The following DOCK1 variants were observed in gnomAD, a reference collection of about 807,000 sequenced individuals.
The protein encoded by DOCK1 is dedicator of cytokinesis protein 1.
Under a neutral mutation model 262.7 loss-of-function variants are expected in DOCK1, and 138 were observed. The ratio of observed to expected loss-of-function variants is 0.53; its 90% CI spans 0.46 to 0.61. The LOEUF (loss-of-function observed/expected upper bound fraction) is 0.61, where lower values mean the gene tolerates loss of function less well. Among genes scored for constraint, DOCK1 ranks in the 20% least tolerant of loss-of-function variants. The pLI, the probability that DOCK1 is intolerant of heterozygous loss-of-function variation, is 0.00. For synonymous variants in DOCK1, 866 were observed against 867.4 expected, an observed-to-expected ratio of 1.00 and a Z score of 0.03; for missense variants, 1,908 against 2,370.7, an observed-to-expected ratio of 0.80 and a Z score of 4.05.
At chr10:127,372,288 C>T (rs2065249705) in intron 33 of DOCK1, among the ~76,000 whole-genome samples, 1 of 152,116 alleles carries the variant, frequency 6.6e-6, no homozygotes, top group East Asian at 1.9e-4. Flanking sequence ...CCGTTCCTTG[C>T]TAATTGCTTC....
At chr10:127,253,630 T>A (rs2059728748) in intron 28 of DOCK1, among the ~76,000 whole-genome samples, 2 of 151,960 alleles carry the variant, frequency 1.3e-5, no homozygotes, top group Non-Finnish European at 2.9e-5. Context: ...TCCCAGCACT[T>A]TGGGAGGTCG....
chr10:126,961,714 T>A (rs932416222), intron 1 of DOCK1, among the ~76,000 whole-genome samples: 14 of 152,236 alleles, frequency 9.2e-5, no homozygotes, highest in African/African-American at 3.4e-4. Context: ...CCACTGTATG[T>A]ATGTGTAACA....
chr10:127,124,601 G>C (rs2133066231), intron 25 of DOCK1, among the ~76,000 whole-genome samples: 1 of 152,312 alleles, frequency 6.6e-6, no homozygotes, highest in South Asian at 2.1e-4. Context: ...AACCTGCTTT[G>C]CCTCTGATCC....
intron 27 of DOCK1, among the ~76,000 whole-genome samples, chr10:127,161,190 A>G (rs2053563229): frequency 6.6e-6 from 1 of 152,154 alleles, no homozygotes; most frequent in South Asian, 2.1e-4. Context: ...GTGGATTTAG[A>G]CTTCACCATA....
chr10:127,079,278 C>T (rs6482639), intron 23 of DOCK1, among the ~76,000 whole-genome samples: 12,525 of 152,216 alleles, frequency 0.082, 1,445 homozygotes, highest in African/African-American at 0.26. Flanking sequence ...ACTCTGACTC[C>T]TTCAGACTGA....
intron 29 of DOCK1, among the ~76,000 whole-genome samples, chr10:127,321,910 CTGGTCAACA>C (rs1293669750): frequency 6.6e-6 from 1 of 152,024 alleles, no homozygotes; most frequent in African/African-American, 2.4e-5. Context: ...CAAGACCATC[CTGGTCAACA>C]TGGTGAAACC....
chr10:126,981,913 C>G lies in DOCK1; in HGVS notation c.172-5C>G. ...AAAGCTACTGTTTTTTTTTTCCTCCCAAAGGGTATATTTCCTGCTTCATAT... is the reference window on the plus strand; with the variant it reads ...AAAGCTACTGTTTTTTTTTTCCTCCGAAAGGGTATATTTCCTGCTTCATAT... On this transcript the variant is annotated splice_polypyrimidine_tract_variant and splice_region_variant and intron_variant, in intron 3 of 51. Coordinates refer to ENST00000623213, the MANE Select transcript of DOCK1 (RefSeq NM_001290223.2). 6.2e-7 allele frequency: 1 copy of G among 1,608,440 alleles called. No individual in the cohort carries two copies.
Position 127,308,278 on chromosome 10 carries a change from C to T in DOCK1, c.3045-30728C>T, listed in dbSNP as rs549488920. 3.3e-5 allele frequency among the ~76,000 whole-genome samples: 5 copies of T among 152,318 alleles called. No homozygotes were observed. The East Asian group carries it at 5.8e-4, about 18-fold the overall frequency. On this transcript the variant is annotated intron_variant, in intron 29 of 51. Coordinates refer to ENST00000623213, the MANE Select transcript of DOCK1 (RefSeq NM_001290223.2). ...GCTAACCAGTCCCTTCAGTGTGGGG[C>T]CTGGCCTCCTCCTTGCCACCTCGTT... is the stretch of plus-strand genomic sequence containing the variant.
At chr10:127,381,614 C>A (rs1180240529) in intron 37 of DOCK1, among the ~76,000 whole-genome samples, 1 of 152,202 alleles carries the variant, frequency 6.6e-6, no homozygotes, top group Non-Finnish European at 1.5e-5. Context: ...AAACTCCCAT[C>A]ACTTGGCTGT....
At chr10:127,093,277 G>A (rs1465859898) in intron 23 of DOCK1, among the ~76,000 whole-genome samples, 6 of 71,408 alleles carry the variant, frequency 8.4e-5, no homozygotes, top group Admixed American at 5.9e-4. Context: ...ACAGGGTCTC[G>A]CTCTGTCATC....
intron 10 of DOCK1, among the ~76,000 whole-genome samples, chr10:127,004,734 G>A (rs2040862625): frequency 6.9e-6 from 1 of 144,112 alleles, no homozygotes. Flanking sequence ...CTGGGCTACA[G>A]AGTCATCCTG....
intron 25 of DOCK1, among the ~76,000 whole-genome samples, chr10:127,114,763 T>G (rs865961569): frequency 6.7e-6 from 1 of 149,380 alleles, no homozygotes; most frequent in East Asian, 2.0e-4. Flanking sequence ...TTCTTTCTTT[T>G]TTTTTTTTTT....
At chr10:127,106,390 G>GC in intron 24 of DOCK1, 89 bp downstream of exon 24, 1 of 1,399,008 alleles carries the variant, frequency 7.1e-7, no homozygotes, top group Non-Finnish European at 9.8e-7. Context: ...TCAGGGTTCT[G>GC]CCTCATGTCT....
chr10:127,119,188 C>T (rs1330011654), intron 25 of DOCK1, among the ~76,000 whole-genome samples: 4 of 152,084 alleles, frequency 2.6e-5, no homozygotes, highest in South Asian at 2.1e-4. Context: ...GGACTACAGG[C>T]GCCTGCCACC....
At chr10:127,048,242 A>G (rs2044474510) in intron 21 of DOCK1, among the ~76,000 whole-genome samples, 1 of 152,186 alleles carries the variant, frequency 6.6e-6, no homozygotes, top group South Asian at 2.1e-4. Context: ...TTTAATTTGC[A>G]GTTACTGGAT....
In DOCK1 at chr10:127,176,510, T is replaced by C; in HGVS notation, c.2847+48746T>C. ...ACGACTGCCTGTTTCCTAATTATAT[T>C]TAAGCAGGTGAGGTCGGCCTTTATG... On this transcript the variant is annotated intron_variant, in intron 27 of 51. Transcript: ENST00000623213. The surrounding 1 kb of genome is among the most constrained non-coding windows in gnomAD (Gnocchi z 4.4). 1 of 899,030 alleles carries C rather than the reference T, an allele frequency of 1.1e-6. No homozygotes were observed. The highest frequency in any genetic ancestry group is 1.7e-6 in the Non-Finnish European group (1 of 596,620). 55.7% of individuals were successfully genotyped at this position (899,030 alleles called of 1,614,324 possible).
chr10:127,115,505 C>T (rs1354353317), intron 25 of DOCK1, among the ~76,000 whole-genome samples: 1 of 152,224 alleles, frequency 6.6e-6, no homozygotes, highest in Non-Finnish European at 1.5e-5. Flanking sequence ...AAAGCTTCAT[C>T]ATTTGTGCAT....
intron 27 of DOCK1, among the ~76,000 whole-genome samples, chr10:127,233,329 A>G (rs576652427): frequency 6.6e-6 from 1 of 152,324 alleles, no homozygotes; most frequent in East Asian, 1.9e-4. Context: ...ATAACTTAGA[A>G]GTTGGAAATA....
At chr10:126,927,539 C>T (rs928797430) in intron 1 of DOCK1, among the ~76,000 whole-genome samples, 4 of 152,170 alleles carry the variant, frequency 2.6e-5, no homozygotes, top group South Asian at 4.1e-4. Context: ...CGGGTTCAAG[C>T]GATTCTCCTG....
Sources: allele counts gnomAD v4.1 joint callset (sites outside exome capture counted in the v4.1 genomes callset), GRCh38; gene constraint gnomAD v4.1.1; non-coding constraint Gnocchi (gnomAD v3.1); transcripts MANE v1.5; gene names NCBI Gene and HGNC (gene_info 2026-07-23, HGNC 2026-07-21).